SPECC1: variants seen among roughly 807,000 people sequenced by gnomAD.
SPECC1 encodes the protein cytospin-B.
SPECC1 carries 62 observed loss-of-function variants against 104.1 expected under a neutral mutation model. The ratio of observed to expected loss-of-function variants is 0.60; its 90% CI spans 0.49 to 0.74. SPECC1 has a LOEUF of 0.74. Ranked by LOEUF, SPECC1 falls within the 30% of genes least tolerant of loss-of-function variation. The probability of loss-of-function intolerance (pLI) is 0.00; values close to 1 mark genes in which losing one functional copy is unlikely to be tolerated. For synonymous variants in SPECC1, 513 were observed against 501.6 expected (o/e 1.02, Z -0.30); for missense variants, 1,306 against 1,310.5 (o/e 1.00, Z 0.05).
At chr17:20,114,025 T>G (rs1370432162) in intron 3 of SPECC1, among the ~76,000 whole-genome samples, 2 of 152,204 alleles carry the variant, frequency 1.3e-5, no homozygotes, top group African/African-American at 4.8e-5. Flanking sequence ...ATATAATTGC[T>G]GCTAGAACCC....
intron 3 of SPECC1, among the ~76,000 whole-genome samples, chr17:20,199,266 T>C (rs1414254170): frequency 1.3e-5 from 2 of 151,826 alleles, no homozygotes; most frequent in Non-Finnish European, 2.9e-5. Flanking sequence ...TTTGTATTTT[T>C]AGTAGAGACA....
intron 2 of SPECC1, among the ~76,000 whole-genome samples, chr17:20,101,206 G>C (rs578186436): frequency 1.3e-5 from 2 of 152,122 alleles, no homozygotes; most frequent in Non-Finnish European, 2.9e-5. Context: ...GGGTCAAATG[G>C]TATTTCTGGT....
chr17:20,231,880 G>A (rs375500541), intron 6 of SPECC1, 49 bp downstream of exon 6: 36 of 1,564,288 alleles, frequency 2.3e-5, no homozygotes, highest in African/African-American at 2.0e-4. Flanking sequence ...TGAATTACCC[G>A]CTCCGAGGTG....
At chr17:20,122,215 G>A (rs895868961) in intron 3 of SPECC1, among the ~76,000 whole-genome samples, 10 of 152,304 alleles carry the variant, frequency 6.6e-5, no homozygotes, top group Non-Finnish European at 1.0e-4. Flanking sequence ...TCAGGACTTT[G>A]GATTTTTTAC....
chr17:20,021,698 A>AT (rs1456183299), intron 1 of SPECC1, among the ~76,000 whole-genome samples: 76 of 113,656 alleles, frequency 6.7e-4, no homozygotes, highest in African/African-American at 2.9e-3. Context: ...ATATATATAT[A>AT]TATATTTTTT....
intron 3 of SPECC1, among the ~76,000 whole-genome samples, chr17:20,149,154 C>T (rs1472737477): frequency 6.6e-6 from 1 of 152,138 alleles, no homozygotes; most frequent in Non-Finnish European, 1.5e-5. Flanking sequence ...TTGTGTTGAA[C>T]ATTGTAGGTT....
Position 20,177,267 on chromosome 17 carries a change from G to A in SPECC1, c.284-27066G>A, listed in dbSNP as rs528039374. On this transcript the variant is annotated intron_variant, in intron 3 of 14. Transcript: ENST00000395527. ...GAGTGGTAGGCAAAGAAAATTGTAG[G>A]TTAAAACTAGAATGTGCTGTGATAA... Among the ~76,000 whole-genome samples, 11 of 152,312 alleles carry A rather than the reference G, an allele frequency of 7.2e-5. No homozygotes were observed. The South Asian group carries it at 1.0e-3, about 14-fold the overall frequency.
At chr17:20,181,706 C>T (rs1168643358) in intron 3 of SPECC1, among the ~76,000 whole-genome samples, 5 of 151,636 alleles carry the variant, frequency 3.3e-5, no homozygotes, top group African/African-American at 1.2e-4. Context: ...AATATAAAAA[C>T]AAAATACCTT....
chr17:20,283,965 A>G (rs926853079), intron 12 of SPECC1, among the ~76,000 whole-genome samples: 1 of 152,242 alleles, frequency 6.6e-6, no homozygotes, highest in Non-Finnish European at 1.5e-5. Flanking sequence ...ATTTTGTCAT[A>G]TAGAAACTTT....
At chr17:20,175,573 G>C (rs1016065931) in intron 3 of SPECC1, among the ~76,000 whole-genome samples, 2 of 152,154 alleles carry the variant, frequency 1.3e-5, no homozygotes, top group African/African-American at 4.8e-5. Flanking sequence ...AGTATTGCTA[G>C]TGATCATTAT....
At chr17:20,241,872 C>T (rs1053578882) in intron 7 of SPECC1, among the ~76,000 whole-genome samples, 4 of 152,080 alleles carry the variant, frequency 2.6e-5, no homozygotes, top group African/African-American at 9.7e-5. Context: ...CAGGCAAGGG[C>T]ATAGAATGAG....
intron 3 of SPECC1, among the ~76,000 whole-genome samples, chr17:20,167,415 A>G (rs1167839899): frequency 1.3e-5 from 2 of 152,120 alleles, no homozygotes; most frequent in Non-Finnish European, 2.9e-5. Context: ...GCAGTGGCTC[A>G]CGGCCTGTAA....
chr17:20,181,640 AAG>A (rs1250791556), intron 3 of SPECC1, among the ~76,000 whole-genome samples: 1 of 152,166 alleles, frequency 6.6e-6, no homozygotes, highest in African/African-American at 2.4e-5. Context: ...AATACTGAAA[AAG>A]AGGAAAATAA....
chr17:20,258,870 T>C (rs1195607759), intron 11 of SPECC1, among the ~76,000 whole-genome samples: 1 of 152,264 alleles, frequency 6.6e-6, no homozygotes, highest in Non-Finnish European at 1.5e-5. Context: ...TGTACTGCTT[T>C]GTAGTGTGGA....
At chr17:20,124,253 C>T (rs1051993702) in intron 3 of SPECC1, among the ~76,000 whole-genome samples, 6 of 151,764 alleles carry the variant, frequency 4.0e-5, no homozygotes, top group East Asian at 1.9e-4. Flanking sequence ...GGGGAACAGA[C>T]GGGGGGAAGC....
chr17:20,076,142 C>T (rs925706829), intron 1 of SPECC1, among the ~76,000 whole-genome samples: 1 of 152,150 alleles, frequency 6.6e-6, no homozygotes, highest in African/African-American at 2.4e-5. Context: ...TTCTTTCTAC[C>T]TGTACAACTA....
intron 3 of SPECC1, among the ~76,000 whole-genome samples, chr17:20,180,338 C>A (rs1335017929): frequency 6.6e-6 from 1 of 152,052 alleles, no homozygotes; most frequent in Non-Finnish European, 1.5e-5. Context: ...AACAAAGGTC[C>A]AGAATATTAG....
intron 1 of SPECC1, chr17:20,057,592 G>A (rs2046017356): frequency 6.6e-6 from 1 of 152,208 alleles, no homozygotes; most frequent in Admixed American, 6.5e-5. Flanking sequence ...CTGGGCTCAA[G>A]CAGTCCTCCT....
chr17:20,112,815 A>AT lies in SPECC1; in HGVS notation c.283+2254dup, dbSNP rs1340497910. 3.4e-5 allele frequency: 53 copies of AT among 1,570,876 alleles called. No homozygotes were observed. In the African/African-American group the frequency reaches 6.7e-4, roughly 20 times the overall value. On this transcript the variant is annotated intron_variant, in intron 3 of 14. Coordinates refer to ENST00000395527, the MANE Select transcript of SPECC1 (RefSeq NM_001243439.2). ...AACCTGAGAGTGACTACCTTAAAAA[A>AT]TGCAAAGTTGAAGAACTGTAACCTC...
Sources: allele counts gnomAD v4.1 joint callset (sites outside exome capture counted in the v4.1 genomes callset), GRCh38; gene constraint gnomAD v4.1.1; transcripts MANE v1.5; gene names NCBI Gene and HGNC (gene_info 2026-07-23, HGNC 2026-07-21).